SEC22A: variants seen among roughly 807,000 people sequenced by gnomAD.
SEC22A encodes vesicle-trafficking protein SEC22a.
SEC22A carries 22 observed loss-of-function variants against 35.3 expected under a neutral mutation model. The ratio of observed to expected loss-of-function variants is 0.62; its 90% CI spans 0.45 to 0.89. SEC22A has a LOEUF of 0.89. SEC22A is among the 40% of genes least tolerant of loss of function. The probability of loss-of-function intolerance (pLI) is 0.00; values close to 1 mark genes in which losing one functional copy is unlikely to be tolerated. For missense variants in SEC22A, 354 were observed against 362.5 expected (o/e 0.98, Z 0.19); for synonymous variants, 119 against 129.5 (o/e 0.92, Z 0.55).
intron 4 of SEC22A, among the ~76,000 whole-genome samples, chr3:123,240,473 G>A (rs968534907): frequency 1.3e-5 from 2 of 152,110 alleles, no homozygotes; most frequent in African/African-American, 4.8e-5. Context: ...TCAGTAATTT[G>A]TTCCTTTTTA....
intron 6 of SEC22A, among the ~76,000 whole-genome samples, chr3:123,267,766 T>G (rs1294857726): frequency 6.6e-6 from 1 of 152,174 alleles, no homozygotes; most frequent in African/African-American, 2.4e-5. Context: ...AGCAGCAAAT[T>G]ATCTTAATCT....
intron 1 of SEC22A, among the ~76,000 whole-genome samples, chr3:123,205,846 C>G (rs570979798): frequency 1.3e-5 from 2 of 152,306 alleles, no homozygotes; most frequent in African/African-American, 4.8e-5. Context: ...GATGGTAGGA[C>G]TCTTCATTCC....
intron 2 of SEC22A, among the ~76,000 whole-genome samples, chr3:123,221,867 T>C (rs62262560): frequency 0.2 from 29,851 of 152,176 alleles, 3,037 homozygotes; most frequent in Middle Eastern, 0.28. Context: ...CCACATTTGT[T>C]TTCTCATTTT....
At chr3:123,238,141 G>A (rs1937451748) in intron 4 of SEC22A, among the ~76,000 whole-genome samples, 1 of 149,678 alleles carries the variant, frequency 6.7e-6, no homozygotes, top group Non-Finnish European at 1.5e-5. Context: ...GTGACAGAGT[G>A]AGACCCTGTC....
intron 1 of SEC22A, among the ~76,000 whole-genome samples, chr3:123,204,046 G>A (rs1515370): frequency 0.16 from 24,180 of 152,034 alleles, 2,268 homozygotes; most frequent in Middle Eastern, 0.27. Flanking sequence ...CACCCTCAGC[G>A]AGCACTTTTA....
In SEC22A at chr3:123,246,509, T is replaced by G. The variant is rs561401607; in HGVS notation, c.657+495T>G. 5.3e-5 allele frequency among the ~76,000 whole-genome samples: 8 copies of G among 152,304 alleles called. No homozygotes were observed. The East Asian group carries it at 9.6e-4, about 18-fold the overall frequency. ...GTATTCCCTACTTAGTTCATCTGCT[T>G]CTTTTTCTTTTTTTGTTAGTGGCTT... On this transcript the variant is annotated intron_variant, in intron 5 of 6. Coordinates refer to ENST00000492595, the MANE Select transcript of SEC22A (RefSeq NM_012430.5).
At chr3:123,264,232 A>C (rs1458667653) in intron 6 of SEC22A, among the ~76,000 whole-genome samples, 1 of 152,220 alleles carries the variant, frequency 6.6e-6, no homozygotes, top group Admixed American at 6.5e-5. Flanking sequence ...TGAAGGATAT[A>C]TGAGTTGTTT....
At chr3:123,226,153 A>G (rs1937214836) in intron 4 of SEC22A, among the ~76,000 whole-genome samples, 1 of 152,234 alleles carries the variant, frequency 6.6e-6, no homozygotes, top group Admixed American at 6.5e-5. Context: ...ATACTGCAGT[A>G]AACATGAGAA....
intron 6 of SEC22A, among the ~76,000 whole-genome samples, chr3:123,267,689 T>A (rs1938057275): frequency 6.6e-6 from 1 of 152,214 alleles, no homozygotes; most frequent in African/African-American, 2.4e-5. Flanking sequence ...TCAAGATTCC[T>A]TCTTTTTAAT....
intron 6 of SEC22A, among the ~76,000 whole-genome samples, chr3:123,264,208 C>T (rs1160846659): frequency 3.3e-5 from 5 of 152,202 alleles, no homozygotes; most frequent in Non-Finnish European, 7.3e-5. Flanking sequence ...CAACATCCAG[C>T]TTCATTTACT....
Position 123,223,601 on chromosome 3 carries a change from T to C in SEC22A, c.225T>C (p.Thr75=). 1 of 1,613,518 alleles carries C rather than the reference T, an allele frequency of 6.2e-7. No individual in the cohort carries two copies. Among genetic ancestry groups the C allele is most frequent in the Non-Finnish European group, 8.5e-7 (1 of 1,179,500 alleles). ...SLGVSYMMLC[T]ENYPNVLAFS... The stretch of plus-strand genomic sequence containing the variant: ...GAGTGAGCTACATGATGTTGTGCAC[T>C]GAAAATTACCCAAATGTTCTCGCCT... Residue 75 remains threonine, a synonymous_variant, in exon 3 of 7, where the codon ACT becomes ACC. Coordinates refer to ENST00000492595, the MANE Select transcript of SEC22A (RefSeq NM_012430.5).
intron 4 of SEC22A, among the ~76,000 whole-genome samples, chr3:123,245,098 T>C (rs184081672): frequency 1.6e-4 from 24 of 152,338 alleles, no homozygotes; most frequent in African/African-American, 5.8e-4. Context: ...GGAGTTCAGA[T>C]TGCTGATTAT....
chr3:123,255,322 A>ATTTG (rs1937704085), intron 5 of SEC22A, among the ~76,000 whole-genome samples: 1 of 151,752 alleles, frequency 6.6e-6, no homozygotes, highest in Non-Finnish European at 1.5e-5. Context: ...TCCTCAGTTT[A>ATTTG]TTTGATACAC....
intron 4 of SEC22A, among the ~76,000 whole-genome samples, chr3:123,238,841 A>G (rs1485146876): frequency 6.6e-6 from 1 of 152,190 alleles, no homozygotes. Flanking sequence ...TTAAAATATT[A>G]AATGAAGGGT....
chr3:123,240,193 A>C (rs189153413), intron 4 of SEC22A, among the ~76,000 whole-genome samples: 8 of 152,328 alleles, frequency 5.3e-5, no homozygotes, highest in Non-Finnish European at 7.3e-5. Context: ...AGCAAGGCCC[A>C]AGAGGTCAAA....
chr3:123,230,649 G>C (rs531012731), intron 4 of SEC22A, among the ~76,000 whole-genome samples: 1 of 119,114 alleles, frequency 8.4e-6, no homozygotes, highest in Non-Finnish European at 1.7e-5. Context: ...ATAAAAAGTA[G>C]TGAAAAATTA....
intron 6 of SEC22A, among the ~76,000 whole-genome samples, chr3:123,268,100 T>C (rs1291927604): frequency 3.3e-5 from 5 of 152,210 alleles, no homozygotes; most frequent in Admixed American, 6.5e-5. Context: ...GAAGCCATGC[T>C]GAAGGGTTAA....
At chr3:123,212,644 A>G (rs149851962) in intron 2 of SEC22A, among the ~76,000 whole-genome samples, 1 of 152,278 alleles carries the variant, frequency 6.6e-6, no homozygotes, top group East Asian at 1.9e-4. Flanking sequence ...TTAACTGAAA[A>G]TTCTAGATTT....
At chr3:123,204,112 A>G (rs986464193) in intron 1 of SEC22A, among the ~76,000 whole-genome samples, 2 of 152,198 alleles carry the variant, frequency 1.3e-5, no homozygotes, top group African/African-American at 4.8e-5. Context: ...ACTGTCACAT[A>G]TGCAAGATAA....
Sources: gnomAD v4.1 joint callset for allele counts (sites outside exome capture counted in the v4.1 genomes callset) on GRCh38, gnomAD v4.1.1 for gene constraint, MANE v1.5 for transcripts, NCBI Gene and HGNC (gene_info 2026-07-23, HGNC 2026-07-21) for gene names.